HLF: variants seen among roughly 807,000 people sequenced by gnomAD.
HLF encodes HLF transcription factor, PAR bZIP family member.
HLF carries 3 observed loss-of-function variants against 22.6 expected under a neutral mutation model. The ratio of observed to expected loss-of-function variants is 0.13; its 90% confidence interval spans 0.06 to 0.34. The LOEUF is 0.34. HLF is among the 10% of genes least tolerant of loss of function. The probability of loss-of-function intolerance (pLI) is 1.00; values close to 1 mark genes in which losing one functional copy is unlikely to be tolerated. For synonymous variants in HLF, 151 were observed against 151.8 expected, an observed-to-expected ratio of 0.99 and a Z score of 0.04; for missense variants, 299 against 389.2, an observed-to-expected ratio of 0.77 and a Z score of 1.95.
chr17:55,315,193 G>T lies in HLF; in HGVS notation c.452-34G>T, dbSNP rs755486098. The T allele has an allele frequency of 3.9e-6, 6 of 1,555,778 alleles. No homozygotes were observed. In the Admixed American group the frequency reaches 1.0e-4, roughly 26 times the overall value. ...TAGCTGCCTACTGGGTCTCTCTAGG[G>T]TGTTCATGAATTAAAACTCCTGTGT... is the stretch of plus-strand genomic sequence containing the variant. On this transcript the variant is annotated intron_variant, in intron 2 of 3. Transcript: ENST00000226067.
chr17:55,286,934 C>G (rs954385032), intron 2 of HLF, among the ~76,000 whole-genome samples: 4 of 152,164 alleles, frequency 2.6e-5, no homozygotes, highest in African/African-American at 9.7e-5. Context: ...AGCCTCCTGC[C>G]AGTCTGTGGG....
intron 2 of HLF, among the ~76,000 whole-genome samples, chr17:55,301,868 T>G (rs1255202966): frequency 6.6e-6 from 1 of 152,202 alleles, no homozygotes; most frequent in Non-Finnish European, 1.5e-5. Flanking sequence ...TGCACCTGTC[T>G]TGTGACAGGG....
At chr17:55,287,625 A>G (rs2081017795) in intron 2 of HLF, among the ~76,000 whole-genome samples, 2 of 152,262 alleles carry the variant, frequency 1.3e-5, no homozygotes, top group South Asian at 4.1e-4. Context: ...TACTTTGAGA[A>G]TCAGTAGTTT....
chr17:55,320,765 G>A lies in HLF; in HGVS notation c.774G>A (p.Ser258=), dbSNP rs202178345. The change falls in exon 4 of 4, where the codon TCG becomes TCA. Residue 258 remains serine (S), a synonymous_variant. Transcript: ENST00000226067. This position sits in a 1 kb window ranked among gnomAD's most constrained non-coding sequence, Gnocchi z 4.2. ...AGAACCAGATCGCCATCCGGGCCTC[G>A]TTCCTGGAGAAGGAGAACTCGGCCC... ...LKENQIAIRA[S]FLEKENSALR... 9.9e-6 allele frequency: 16 copies of A among 1,613,748 alleles called. No individual in the cohort carries two copies. The highest frequency in any genetic ancestry group is 5.3e-5 in the African/African-American group (4 of 74,942).
Position 55,320,843 on chromosome 17 carries a change from A to G in HLF, c.852A>G (p.Ile284Met). Residue 284 changes from isoleucine to methionine, a missense_variant, in exon 4 of 4, where the codon ATA (isoleucine) becomes ATG (methionine). Coordinates refer to ENST00000226067, the MANE Select transcript of HLF (RefSeq NM_002126.5). The surrounding 1 kb of genome is among the most constrained non-coding windows in gnomAD (Gnocchi z 4.2). Reference protein sequence around the residue: ...LRKELGKCKNILAKYEARHGP... With the variant: ...LRKELGKCKNMLAKYEARHGP... Reference sequence around the variant, plus strand: ...AGGAGCTGGGCAAATGCAAGAACATACTTGCCAAGTATGAGGCCAGGCACG... The same window carrying G: ...AGGAGCTGGGCAAATGCAAGAACATGCTTGCCAAGTATGAGGCCAGGCACG... The G allele has an allele frequency of 6.2e-7, 1 of 1,613,548 alleles. No homozygotes were observed. The highest frequency in any genetic ancestry group is 8.5e-7 in the Non-Finnish European group (1 of 1,179,870).
intron 2 of HLF, among the ~76,000 whole-genome samples, chr17:55,301,636 C>T (rs1236620384): frequency 1.3e-5 from 2 of 152,218 alleles, no homozygotes; most frequent in East Asian, 1.9e-4. Flanking sequence ...AGACCATTGG[C>T]TTAAGCAGAG....
At chr17:55,301,073 T>A (rs2081153462) in intron 2 of HLF, among the ~76,000 whole-genome samples, 1 of 152,248 alleles carries the variant, frequency 6.6e-6, no homozygotes, top group Admixed American at 6.5e-5. Flanking sequence ...TCTGGCCAAT[T>A]TCAAGACTTG....
intron 2 of HLF, among the ~76,000 whole-genome samples, chr17:55,305,907 G>A (rs771203325): frequency 6.6e-6 from 1 of 152,198 alleles, no homozygotes; most frequent in Non-Finnish European, 1.5e-5. Flanking sequence ...TTCCATCTGC[G>A]TGGGCAAATT....
At position 55,324,685 on chromosome 17, in the gene HLF, C is replaced by T. The variant is rs1905391436; in HGVS notation, c.*3806C>T. ...ACTGGCAAGGCCAAGGTCTCCTCCACGTTTTTTCTGCAATTAATAATGTCA... is the reference window on the plus strand; with the variant it reads ...ACTGGCAAGGCCAAGGTCTCCTCCATGTTTTTTCTGCAATTAATAATGTCA... On this transcript the variant is annotated 3_prime_UTR_variant, in exon 4 of 4. Coordinates refer to ENST00000226067, the MANE Select transcript of HLF (RefSeq NM_002126.5). 4.3e-6 allele frequency: 1 copy of T among 232,790 alleles called. No individual in the cohort carries two copies. Among genetic ancestry groups the T allele is most frequent in the Non-Finnish European group, 8.5e-6 (1 of 117,764 alleles). 14.4% of individuals were successfully genotyped at this position (232,790 alleles called of 1,614,324 possible). A position where few individuals can be genotyped will look rare whatever the true frequency, so the allele number is the denominator to read the frequency against.
At position 55,321,334 on chromosome 17, in the gene HLF, GT is replaced by G. The variant is rs760978184; in HGVS notation, c.*458del. 3.3e-5 allele frequency: 8 copies of G among 243,368 alleles called. No individual in the cohort carries two copies. Among genetic ancestry groups the G allele is most frequent in the Non-Finnish European group, 5.7e-5 (7 of 123,438 alleles). 15.1% of individuals were successfully genotyped at this position (243,368 alleles called of 1,614,324 possible). On this transcript the variant is annotated 3_prime_UTR_variant, in exon 4 of 4. Coordinates refer to ENST00000226067, the MANE Select transcript of HLF (RefSeq NM_002126.5). ...TCAGTTTTTAAGAGTACAAGCTCTT[GT>G]TTCTGTTTAGTCCGTAAGTTACCAT...
Position 55,315,121 on chromosome 17 carries a change from A to G in HLF, c.452-106A>G, listed in dbSNP as rs558665419. 1.5e-4 allele frequency: 118 copies of G among 782,904 alleles called. No individual in the cohort carries two copies. In the East Asian group the frequency reaches 1.6e-3, roughly 11 times the overall value. The allele number at this position is 782,904 out of a possible 1,614,324, so 48.5% of individuals were successfully genotyped here. Reference sequence around the variant, plus strand: ...AAGATAAATCATGTTAGCATCATATATAAGTGAGCTGAAGACTCTTACCAC... The same window carrying G: ...AAGATAAATCATGTTAGCATCATATGTAAGTGAGCTGAAGACTCTTACCAC... On this transcript the variant is annotated intron_variant, in intron 2 of 3. Transcript: ENST00000226067.
intron 2 of HLF, among the ~76,000 whole-genome samples, chr17:55,275,605 C>T (rs898436827): frequency 2.6e-5 from 4 of 152,188 alleles, no homozygotes; most frequent in Non-Finnish European, 5.9e-5. Context: ...CAAGACTTTA[C>T]ATAAGCATTC....
intron 2 of HLF, among the ~76,000 whole-genome samples, chr17:55,285,303 G>C (rs982906994): frequency 6.6e-6 from 1 of 152,194 alleles, no homozygotes; most frequent in Admixed American, 6.5e-5. Flanking sequence ...TCTTGAGAGT[G>C]TCCATTGAGG....
At chr17:55,303,883 T>A (rs1904416876) in intron 2 of HLF, among the ~76,000 whole-genome samples, 1 of 152,228 alleles carries the variant, frequency 6.6e-6, no homozygotes, top group Non-Finnish European at 1.5e-5. Flanking sequence ...CCAAACAATT[T>A]TAGCCAGCCT....
chr17:55,294,712 A>G (rs1317429411), intron 2 of HLF, among the ~76,000 whole-genome samples: 1 of 152,104 alleles, frequency 6.6e-6, no homozygotes. Flanking sequence ...CTTCTTCAGG[A>G]CTTCACTGCT....
Position 55,265,323 on chromosome 17 carries a change from G to A in HLF, c.-162G>A, listed in dbSNP as rs376541902. ...TTTTAATATATATTTTTATGCAGAT[G>A]TATTTATAAAGATATAAGTAATTTT... is the stretch of plus-strand genomic sequence containing the variant. On this transcript the variant is annotated 5_prime_UTR_variant, in exon 1 of 4. An upstream start codon of the reference 5' UTR is lost. Transcript: ENST00000226067. The A allele has an allele frequency of 1.2e-5, 7 of 567,522 alleles. No homozygotes were observed. The South Asian group carries it at 1.4e-4, about 11-fold the overall frequency. The allele number at this position is 567,522 out of a possible 1,614,324, so 35.2% of individuals were successfully genotyped here.
intron 2 of HLF, among the ~76,000 whole-genome samples, chr17:55,294,336 A>G (rs2081093159): frequency 6.6e-6 from 1 of 152,234 alleles, no homozygotes; most frequent in African/African-American, 2.4e-5. Flanking sequence ...GTAAAGAAGC[A>G]TACATGAATA....
At chr17:55,296,077 A>T (rs2081109144) in intron 2 of HLF, among the ~76,000 whole-genome samples, 1 of 152,192 alleles carries the variant, frequency 6.6e-6, no homozygotes, top group African/African-American at 2.4e-5. Flanking sequence ...AATTGGTTGG[A>T]CAGGTTTTGG....
At chr17:55,317,807 C>G (rs1905127733) in intron 3 of HLF, among the ~76,000 whole-genome samples, 1 of 151,992 alleles carries the variant, frequency 6.6e-6, no homozygotes, top group Admixed American at 6.6e-5. Context: ...AACTTCCTCT[C>G]TTGAGCCAAT....
Sources: gnomAD v4.1 joint callset for allele counts (sites outside exome capture counted in the v4.1 genomes callset) on GRCh38, gnomAD v4.1.1 for gene constraint, Gnocchi (gnomAD v3.1) non-coding constraint, MANE v1.5 for transcripts, NCBI Gene and HGNC (gene_info 2026-07-23, HGNC 2026-07-21) for gene names.